Variants in CRIP2 observed in about 807,000 individuals in gnomAD.
CRIP2 encodes the protein cysteine rich protein 2.
A neutral mutation model predicts 31.3 loss-of-function variants in CRIP2; 31 were observed. The ratio of observed to expected loss-of-function variants is 0.99; its 90% CI spans 0.74 to 1.34. CRIP2 has a LOEUF of 1.34. Ranked by LOEUF, CRIP2 falls within the 40% of genes most tolerant of loss-of-function variation. The pLI, the probability that CRIP2 is intolerant of heterozygous loss-of-function variation, is 0.00. For synonymous variants in CRIP2, 177 were observed against 127.2 expected (o/e 1.39, Z -2.63); for missense variants, 389 against 301.6 (o/e 1.29, Z -2.15).
intron 5 of CRIP2, 22 bp from the exon 6 acceptor site, chr14:105,479,103 C>T (rs2084026397): frequency 1.0e-5 from 16 of 1,606,632 alleles, no homozygotes; most frequent in Non-Finnish European, 1.3e-5. Flanking sequence ...CGGGGCTCGG[C>T]CTCACTCCTC....
rs1475318419 is a variant in CRIP2, at chr14:105,479,580, C to G, written c.560-6C>G. On this transcript the variant is annotated splice_polypyrimidine_tract_variant and splice_region_variant and intron_variant, in intron 7 of 7. Coordinates refer to ENST00000329146, the MANE Select transcript of CRIP2 (RefSeq NM_001312.4). ...CCCGACCCACCCCAGCGGCCTCCCTCCACAGGAGTGAACACCGGTGCGGTG... is the reference window on the plus strand; with the variant it reads ...CCCGACCCACCCCAGCGGCCTCCCTGCACAGGAGTGAACACCGGTGCGGTG... 2.5e-6 allele frequency: 4 copies of G among 1,612,748 alleles called. No individual in the cohort carries two copies. The African/African-American group carries it at 4.0e-5, about 16-fold the overall frequency.
At chr14:105,473,531 C>A, upstream of CRIP2, 1 of 1,530,060 alleles carries the variant, frequency 6.5e-7, no homozygotes, top group Non-Finnish European at 8.7e-7. Context: ...CCGTGTCCAG[C>A]CCACAGCCTC....
Position 105,474,889 on chromosome 14 carries a change from C to T in CRIP2, c.27C>T (p.Asp9=). 1 of 1,522,106 alleles carries T rather than the reference C, an allele frequency of 6.6e-7. No individual in the cohort carries two copies. The highest frequency in any genetic ancestry group is 8.8e-7 in the Non-Finnish European group (1 of 1,135,406). The allele number at this position is 1,522,106 out of a possible 1,614,324, so 94.3% of individuals were successfully genotyped here. MASKCPKC[D]KTVYFAEKVS... ...TGGCCTCCAAATGCCCCAAGTGCGA[C>T]AAGACCGTGTACTTCGGTGAGTGCG... Residue 9 remains aspartate, a synonymous_variant, in exon 1 of 8, where the codon GAC becomes GAT. Transcript: ENST00000329146. The surrounding 1 kb of genome is among the most constrained non-coding windows in gnomAD (Gnocchi z 5.1).
Position 105,478,639 on chromosome 14 carries a change from G to T in CRIP2, c.197-92G>T. 1 of 1,492,164 alleles carries T rather than the reference G, an allele frequency of 6.7e-7. No homozygotes were observed. Among genetic ancestry groups the T allele is most frequent in the Non-Finnish European group, 8.9e-7 (1 of 1,118,492 alleles). 92.4% of individuals were successfully genotyped at this position (1,492,164 alleles called of 1,614,324 possible). ...TCCCTGCCACCCTGGAAAGCCTAGT[G>T]CCCCCCAGTCCCCAGCGGGCCGTTT... On this transcript the variant is annotated intron_variant, in intron 3 of 7. Coordinates refer to ENST00000329146, the MANE Select transcript of CRIP2 (RefSeq NM_001312.4). This position sits in a 1 kb window ranked among gnomAD's most constrained non-coding sequence, Gnocchi z 4.9.
chr14:105,473,202 C>G (rs369075117), upstream of CRIP2: 18 of 1,532,738 alleles, frequency 1.2e-5, no homozygotes, highest in African/African-American at 1.5e-4. Context: ...CTAGGGACCC[C>G]TGGGCCTGCC....
chr14:105,473,228 C>T (rs2083871557), upstream of CRIP2: 2 of 1,532,824 alleles, frequency 1.3e-6, no homozygotes, highest in Admixed American at 2.0e-5. Flanking sequence ...GGAAGGGCTG[C>T]CCAGAAAAGG....
Position 105,479,761 on chromosome 14 carries a change from GCC to G in CRIP2, c.*110_*111del. 7.9e-7 allele frequency: 1 copy of G among 1,260,556 alleles called. No homozygotes were observed. The highest frequency in any genetic ancestry group is 1.3e-5 in the South Asian group (1 of 76,406). The allele number at this position is 1,260,556 out of a possible 1,614,324, so 78.1% of individuals were successfully genotyped here. On this transcript the variant is annotated 3_prime_UTR_variant, in exon 8 of 8. Coordinates refer to ENST00000329146, the MANE Select transcript of CRIP2 (RefSeq NM_001312.4). ...CTCAGCCGCCCAGTCCTGCCTGCAAGCCCAGGGCGAGTATTGGAGGAGGGGCA... is the reference window on the plus strand; with the variant it reads ...CTCAGCCGCCCAGTCCTGCCTGCAAGCAGGGCGAGTATTGGAGGAGGGGCA...
chr14:105,474,841 G>A lies in CRIP2; in HGVS notation c.-22G>A, dbSNP rs868910677. 4.8e-6 allele frequency: 7 copies of A among 1,468,666 alleles called. No homozygotes were observed. The highest frequency in any genetic ancestry group is 2.3e-5 in the Admixed American group (1 of 43,728). The allele number at this position is 1,468,666 out of a possible 1,614,324, so 91.0% of individuals were successfully genotyped here. A position where few individuals can be genotyped will look rare whatever the true frequency, so the allele number is the denominator to read the frequency against. On this transcript the variant is annotated 5_prime_UTR_variant, in exon 1 of 8. Coordinates refer to ENST00000329146, the MANE Select transcript of CRIP2 (RefSeq NM_001312.4). This position sits in a 1 kb window ranked among gnomAD's most constrained non-coding sequence, Gnocchi z 5.1. ...CCGGAGGAGAACGGGCGGAGGGCGC[G>A]GGCCGACCGGGCGCACCGACCATGG...
chr14:105,473,878 G>A (rs1462638525), upstream of CRIP2, among the ~76,000 whole-genome samples: 1 of 152,156 alleles, frequency 6.6e-6, no homozygotes, highest in African/African-American at 2.4e-5. Flanking sequence ...GGGCCCCCAG[G>A]CACGCAGCTG....
intron 1 of CRIP2, chr14:105,477,530 G>A: frequency 1.0e-6 from 1 of 984,736 alleles, no homozygotes; most frequent in Non-Finnish European, 1.2e-6. Context: ...GTGGGGATCA[G>A]GGGCGTGTCA....
Position 105,479,732 on chromosome 14 carries a change from A to G in CRIP2, c.*79A>G, listed in dbSNP as rs2084050766. 6.8e-7 allele frequency: 1 copy of G among 1,469,362 alleles called. No homozygotes were observed. The allele number at this position is 1,469,362 out of a possible 1,614,324, so 91.0% of individuals were successfully genotyped here. On this transcript the variant is annotated 3_prime_UTR_variant, in exon 8 of 8. Coordinates refer to ENST00000329146, the MANE Select transcript of CRIP2 (RefSeq NM_001312.4). ...CCCCCCTGCTTGGCTCTGCTGGGAG[A>G]GTGCTCAGCCGCCCAGTCCTGCCTG...
chr14:105,477,877 GGTGTTGGAGCGCGGGC>G (rs1555436200), intron 1 of CRIP2, among the ~76,000 whole-genome samples: 12 of 52,322 alleles, frequency 2.3e-4, no homozygotes, highest in African/African-American at 4.2e-4. Flanking sequence ...AGCGCGGGCA[GGTGTTGGAGCGCGGGC>G]AGGTGTTGGA....
intron 1 of CRIP2, chr14:105,476,800 A>C (rs2083941308): frequency 1.0e-6 from 1 of 981,688 alleles, no homozygotes; most frequent in Non-Finnish European, 1.2e-6. Flanking sequence ...AAGCTGGTGC[A>C]GCCTTGTGGT....
intron 1 of CRIP2, chr14:105,475,275 C>G (rs1211691620): frequency 9.5e-6 from 2 of 210,588 alleles, no homozygotes; most frequent in Non-Finnish European, 1.9e-5. Context: ...GCTGTACGCC[C>G]CGGGTGCGTC....
At chr14:105,479,301 G>C in intron 6 of CRIP2, 82 bp downstream of exon 6, 2 of 1,510,522 alleles carry the variant, frequency 1.3e-6, no homozygotes, top group Non-Finnish European at 1.8e-6. Context: ...GCCTAGAGGG[G>C]ATGGGGGGTG....
upstream of CRIP2, among the ~76,000 whole-genome samples, chr14:105,473,868 G>A (rs1378343705): frequency 1.3e-5 from 2 of 152,142 alleles, no homozygotes; most frequent in African/African-American, 4.8e-5. Context: ...GTCAGGCCCT[G>A]GGCCCCCAGG....
chr14:105,475,279 G>T (rs1266041802), intron 1 of CRIP2: 2 of 207,554 alleles, frequency 9.6e-6, no homozygotes, highest in South Asian at 1.6e-4. Context: ...TACGCCCCGG[G>T]TGCGTCCCGC....
chr14:105,473,393 T>G (rs587622155), upstream of CRIP2: 1 of 1,535,396 alleles, frequency 6.5e-7, no homozygotes, highest in African/African-American at 1.4e-5. Context: ...GCAGGGTGTG[T>G]GTGCAAGGGA....
Position 105,478,303 on chromosome 14 carries a change from G to A in CRIP2, c.81G>A (p.Lys27=), listed in dbSNP as rs782271794. The A allele has an allele frequency of 6.4e-7, 1 of 1,574,080 alleles. No individual in the cohort carries two copies. The highest frequency in any genetic ancestry group is 8.6e-7 in the Non-Finnish European group (1 of 1,162,016). ...GCTCCCTGGGGAAGGACTGGCACAA[G>A]TTCTGCCTCAAGTGCGAGCGCTGCA... The part of the protein sequence containing the change: ...KVSSLGKDWH[K]FCLKCERCSK... The change falls in exon 2 of 8, where the codon AAG becomes AAA. Residue 27 remains lysine, a synonymous_variant. Coordinates refer to ENST00000329146, the MANE Select transcript of CRIP2 (RefSeq NM_001312.4). This position sits in a 1 kb window ranked among gnomAD's most constrained non-coding sequence, Gnocchi z 4.9.
Sources: allele counts gnomAD v4.1 joint callset (sites outside exome capture counted in the v4.1 genomes callset), GRCh38; gene constraint gnomAD v4.1.1; non-coding constraint Gnocchi (gnomAD v3.1); transcripts MANE v1.5; gene names NCBI Gene and HGNC (gene_info 2026-07-23, HGNC 2026-07-21).